GLDC: variants seen among roughly 807,000 people sequenced by gnomAD.
GLDC encodes glycine decarboxylase.
A neutral mutation model predicts 121.3 loss-of-function variants in GLDC; 104 were observed. The ratio of observed to expected loss-of-function variants is 0.86; its 90% CI spans 0.73 to 1.01. The LOEUF (loss-of-function observed/expected upper bound fraction) is 1.01, where lower values mean the gene tolerates loss of function less well. Ranked by LOEUF, GLDC falls within the 50% of genes least tolerant of loss-of-function variation. GLDC has a pLI of 0.00. For missense variants in GLDC, 1,429 were observed against 1,306.6 expected, an observed-to-expected ratio of 1.09 and a Z score of -1.44; for synonymous variants, 546 against 480.6, an observed-to-expected ratio of 1.14 and a Z score of -1.78.
At chr9:6,553,534 C>T (rs774755308) in intron 19 of GLDC, 25 bp from the exon 20 acceptor site, 3 of 1,611,724 alleles carry the variant, frequency 1.9e-6, no homozygotes, top group African/African-American at 1.3e-5. Flanking sequence ...AGTGCAAATT[C>T]AGAAAATGTA....
At chr9:6,640,076 C>CTG (rs1289984838) in intron 2 of GLDC, among the ~76,000 whole-genome samples, 1 of 152,190 alleles carries the variant, frequency 6.6e-6, no homozygotes, top group South Asian at 2.1e-4. Context: ...TGTAAACAAC[C>CTG]TCCAATCAGA....
intron 16 of GLDC, among the ~76,000 whole-genome samples, chr9:6,562,344 G>A (rs1817774241): frequency 6.6e-6 from 1 of 152,122 alleles, no homozygotes; most frequent in Non-Finnish European, 1.5e-5. Flanking sequence ...AGACCCATCA[G>A]GAGCCCAGGC....
At chr9:6,629,327 G>A (rs1291333415) in intron 2 of GLDC, among the ~76,000 whole-genome samples, 1 of 151,022 alleles carries the variant, frequency 6.6e-6, no homozygotes, top group Non-Finnish European at 1.5e-5. Flanking sequence ...CGATTCTCCT[G>A]CCTCAGCCTC....
intron 8 of GLDC, among the ~76,000 whole-genome samples, chr9:6,599,109 G>A (rs146279088): frequency 0.011 from 1,606 of 151,756 alleles, 27 homozygotes; most frequent in African/African-American, 0.037. Context: ...GCTTGAACCC[G>A]GAAGACGGAG....
At position 6,644,445 on chromosome 9, in the gene GLDC, C is replaced by T. The variant is rs981996020; in HGVS notation, c.334+169G>A. 11 of 666,298 alleles carry T rather than the reference C, an allele frequency of 1.7e-5. No individual in the cohort carries two copies. In the Admixed American group the frequency reaches 2.2e-4, roughly 14 times the overall value. 41.3% of individuals were successfully genotyped at this position (666,298 alleles called of 1,614,324 possible). On this transcript the variant is annotated intron_variant, in intron 2 of 24. Transcript: ENST00000321612. Reference sequence around the variant, plus strand: ...ACACAAAACTGTCTGCTCCGAGAACCAAATATCCCACCTTCCCGCGGCTCC... The same window carrying T: ...ACACAAAACTGTCTGCTCCGAGAACTAAATATCCCACCTTCCCGCGGCTCC...
intron 2 of GLDC, chr9:6,639,197 G>A (rs751961998): frequency 4.2e-5 from 36 of 861,544 alleles, no homozygotes; most frequent in East Asian, 9.6e-5. Context: ...AAGCCAAAGA[G>A]AATGCTTTAA....
chr9:6,639,000 C>T (rs1819569895), intron 2 of GLDC: 1 of 432,486 alleles, frequency 2.3e-6, no homozygotes. Flanking sequence ...CAGAGCGAGA[C>T]TCTGTCTCAG....
At chr9:6,542,402 G>C (rs1195048816) in intron 21 of GLDC, 2 of 152,096 alleles carry the variant, frequency 1.3e-5, no homozygotes, top group Non-Finnish European at 2.9e-5. Flanking sequence ...CACATGCCCA[G>C]CTAATTTTTG....
At chr9:6,577,812 TTGA>T (rs896830729) in intron 15 of GLDC, among the ~76,000 whole-genome samples, 7 of 136,904 alleles carry the variant, frequency 5.1e-5, no homozygotes, top group African/African-American at 2.3e-4. Flanking sequence ...CTCTACGTTA[TTGA>T]TTTTTTTTTG....
chr9:6,562,623 G>A (rs373497608), intron 16 of GLDC, among the ~76,000 whole-genome samples: 13 of 152,080 alleles, frequency 8.5e-5, no homozygotes, highest in South Asian at 2.1e-4. Context: ...GCAGTGGTGC[G>A]ATCTCAGCTC....
At chr9:6,589,064 G>A in intron 12 of GLDC, 131 bp downstream of exon 12, 1 of 746,372 alleles carries the variant, frequency 1.3e-6, no homozygotes, top group Non-Finnish European at 2.4e-6. Context: ...TTATGAGGAT[G>A]AAATACTTGG....
At chr9:6,534,287 C>T (rs988675503) in intron 24 of GLDC, 1 of 226,734 alleles carries the variant, frequency 4.4e-6, no homozygotes, top group Non-Finnish European at 9.0e-6. Flanking sequence ...TATACTATTA[C>T]TGCATAGATC....
At chr9:6,587,379 T>C in intron 14 of GLDC, 96 bp from the exon 15 acceptor site, 4 of 926,098 alleles carry the variant, frequency 4.3e-6, no homozygotes, top group Non-Finnish European at 7.0e-6. Context: ...AAAAGCTATG[T>C]GCCAGGCACT....
chr9:6,638,373 C>T (rs1298920303), intron 2 of GLDC, among the ~76,000 whole-genome samples: 1 of 152,048 alleles, frequency 6.6e-6, no homozygotes, highest in Non-Finnish European at 1.5e-5. Flanking sequence ...CGCCACCACG[C>T]CCAGGTAATT....
intron 3 of GLDC, among the ~76,000 whole-genome samples, chr9:6,619,657 G>C (rs1412756477): frequency 3.9e-5 from 6 of 152,186 alleles, no homozygotes; most frequent in Non-Finnish European, 8.8e-5. Context: ...CAACCTGGGA[G>C]GCAGAGGTTG....
intron 15 of GLDC, among the ~76,000 whole-genome samples, chr9:6,578,082 T>A (rs1818107974): frequency 6.6e-6 from 1 of 151,770 alleles, no homozygotes; most frequent in Non-Finnish European, 1.5e-5. Flanking sequence ...GCCCAGCTAC[T>A]TTTTTAATTT....
chr9:6,595,723 C>T (rs1238209189), intron 8 of GLDC, among the ~76,000 whole-genome samples: 1 of 152,162 alleles, frequency 6.6e-6, no homozygotes, highest in Admixed American at 6.5e-5. Flanking sequence ...GTCCCAGTGA[C>T]TCCAGAAGCC....
chr9:6,644,483 C>T (rs1362758075), intron 2 of GLDC, 131 bp downstream of exon 2: 1 of 714,992 alleles, frequency 1.4e-6, no homozygotes, highest in Non-Finnish European at 2.5e-6. Context: ...AGGTACCCGC[C>T]ACTGTTTTAT....
chr9:6,543,898 G>C (rs148003860), intron 21 of GLDC, among the ~76,000 whole-genome samples: 1 of 151,762 alleles, frequency 6.6e-6, no homozygotes, highest in Admixed American at 6.6e-5. Flanking sequence ...CAGGAGGGGG[G>C]GGGATGAAGG....
Sources: allele counts gnomAD v4.1 joint callset (sites outside exome capture counted in the v4.1 genomes callset), GRCh38; gene constraint gnomAD v4.1.1; transcripts MANE v1.5; gene names NCBI Gene and HGNC (gene_info 2026-07-23, HGNC 2026-07-21).